The following ZC3H3 variants were observed in gnomAD, a reference collection of about 807,000 sequenced individuals.
The protein encoded by ZC3H3 is zinc finger CCCH-type containing 3, also known as zinc finger CCCH domain-containing protein 3.
ZC3H3 carries 36 observed loss-of-function variants against 77.3 expected under a neutral mutation model. The ratio of observed to expected loss-of-function variants is 0.47; its 90% CI spans 0.36 to 0.61. The LOEUF is 0.61. ZC3H3 is among the 20% of genes least tolerant of loss of function. The pLI is 0.00. For missense variants in ZC3H3, 1,331 were observed against 1,312.2 expected (o/e 1.01, Z -0.22); for synonymous variants, 626 against 555.2 (o/e 1.13, Z -1.79).
intron 9 of ZC3H3, among the ~76,000 whole-genome samples, chr8:143,442,910 C>A (rs773970117): frequency 1.1e-4 from 16 of 152,198 alleles, no homozygotes; most frequent in Non-Finnish European, 1.9e-4. Flanking sequence ...AATGACTCAT[C>A]CATGTCTGTA....
chr8:143,516,256 T>C (rs992560829), intron 3 of ZC3H3, among the ~76,000 whole-genome samples: 1 of 152,146 alleles, frequency 6.6e-6, no homozygotes, highest in African/African-American at 2.4e-5. Flanking sequence ...TCACTCCACT[T>C]TTCTTGTATG....
chr8:143,440,015 G>A (rs117239159), intron 11 of ZC3H3, 26 bp downstream of exon 11: 36,459 of 1,470,204 alleles, frequency 0.025, 616 homozygotes, highest in Non-Finnish European at 0.03. Flanking sequence ...GGGCCCTGGG[G>A]GCCCGAGCCA....
In ZC3H3 at chr8:143,450,151, C is replaced by T. The variant is rs183557335; in HGVS notation, c.2308-9031G>A. Among the ~76,000 whole-genome samples the T allele has an allele frequency of 3.3e-5, 5 of 152,298 alleles. No homozygotes were observed. The East Asian group carries it at 7.7e-4, about 23-fold the overall frequency. ...CCAATTTTCTATATTAGTCCATTAT[C>T]GCATTGCTGTAAATAAATACCTCAG... On this transcript the variant is annotated intron_variant, in intron 9 of 11. Coordinates refer to ENST00000262577, the MANE Select transcript of ZC3H3 (RefSeq NM_015117.3).
At chr8:143,446,578 T>C (rs558056528) in intron 9 of ZC3H3, among the ~76,000 whole-genome samples, 1 of 152,308 alleles carries the variant, frequency 6.6e-6, no homozygotes, top group South Asian at 2.1e-4. Flanking sequence ...CTTAGAAACA[T>C]GGGAAAAGGT....
intron 2 of ZC3H3, 61 bp from the exon 3 acceptor site, chr8:143,536,514 T>G (rs1822804990): frequency 7.0e-7 from 1 of 1,430,584 alleles, no homozygotes; most frequent in East Asian, 2.6e-5. Context: ...CACCCACCCT[T>G]CCTCACCAGG....
At chr8:143,456,460 A>T (rs1820125087) in intron 9 of ZC3H3, among the ~76,000 whole-genome samples, 1 of 152,242 alleles carries the variant, frequency 6.6e-6, no homozygotes, top group Non-Finnish European at 1.5e-5. Flanking sequence ...AAAGAGAAAA[A>T]AAGACATGAA....
chr8:143,448,050 G>A lies in ZC3H3; in HGVS notation c.2308-6930C>T, dbSNP rs115951525. On this transcript the variant is annotated intron_variant, in intron 9 of 11. Transcript: ENST00000262577. ...GACTGAGGCAGAATTGCTTAAACCC[G>A]AGAGGCGGGGGGTTGCGGTGAGCTG... Among the ~76,000 whole-genome samples, 976 of 152,270 alleles carry A rather than the reference G, an allele frequency of 6.4e-3. 8 individuals are homozygous for A. Among genetic ancestry groups the A allele is most frequent in the African/African-American group, 0.022 (895 of 41,548 alleles).
Position 143,438,070 on chromosome 8 carries a change from T to G in ZC3H3, c.2833A>C (p.Lys945Gln). The G allele has an allele frequency of 6.2e-7, 1 of 1,611,384 alleles. No individual in the cohort carries two copies. Among genetic ancestry groups the G allele is most frequent in the Non-Finnish European group, 8.5e-7 (1 of 1,179,010 alleles). ...CCCTGGGGTCCTCACAGACGTGGTTTGATGTGCAGAGGCTTCCCTATGCAA... is the reference window on the plus strand; with the variant it reads ...CCCTGGGGTCCTCACAGACGTGGTTGGATGTGCAGAGGCTTCCCTATGCAA... ...TKDSGKPLHIKPRL is the reference protein window; with the variant it reads ...TKDSGKPLHIQPRL Residue 945 changes from lysine to glutamine, a missense_variant, in exon 12 of 12, where the codon AAA (lysine) becomes CAA (glutamine). This residue lies in a region of ZC3H3 where 249 missense variants were observed against 236.9 expected (regional missense o/e 1.05). Transcript: ENST00000262577.
At chr8:143,440,396 G>T in intron 10 of ZC3H3, 33 bp from the exon 11 acceptor site, 1 of 1,497,246 alleles carries the variant, frequency 6.7e-7, no homozygotes. Flanking sequence ...CGTGTGAGGT[G>T]GGGTGACGGG....
At chr8:143,454,055 G>A (rs1820052609) in intron 9 of ZC3H3, among the ~76,000 whole-genome samples, 1 of 150,232 alleles carries the variant, frequency 6.7e-6, no homozygotes, top group South Asian at 2.1e-4. Flanking sequence ...GAAAATTCCA[G>A]AAATAAACAA....
At chr8:143,458,610 G>A (rs1219248229) in intron 9 of ZC3H3, among the ~76,000 whole-genome samples, 1 of 126,206 alleles carries the variant, frequency 7.9e-6, no homozygotes, top group Non-Finnish European at 1.7e-5. Flanking sequence ...ACAGCTGGGC[G>A]CAGTGGCTCA....
intron 9 of ZC3H3, among the ~76,000 whole-genome samples, chr8:143,464,188 G>A (rs1045279752): frequency 1.3e-5 from 2 of 152,226 alleles, no homozygotes; most frequent in African/African-American, 4.8e-5. Flanking sequence ...TCCATCATGC[G>A]GGCGCCGCGG....
intron 4 of ZC3H3, among the ~76,000 whole-genome samples, chr8:143,491,615 A>G (rs929469459): frequency 1.3e-5 from 2 of 152,238 alleles, no homozygotes; most frequent in African/African-American, 2.4e-5. Context: ...GCCTGGAGCC[A>G]TGCATTGGTC....
intron 4 of ZC3H3, among the ~76,000 whole-genome samples, chr8:143,490,734 G>GTGAA: frequency 6.6e-6 from 1 of 152,302 alleles, no homozygotes; most frequent in Non-Finnish European, 1.5e-5. Context: ...GGCCAACATG[G>GTGAA]TGAAACCCTG....
intron 4 of ZC3H3, among the ~76,000 whole-genome samples, chr8:143,492,077 T>G (rs374641415): frequency 3.2e-4 from 49 of 152,198 alleles, no homozygotes; most frequent in African/African-American, 1.2e-3. Context: ...GCCGGACACA[T>G]GCGTGCCGAG....
At chr8:143,472,856 T>C (rs1820612896) in intron 5 of ZC3H3, among the ~76,000 whole-genome samples, 1 of 152,158 alleles carries the variant, frequency 6.6e-6, no homozygotes, top group South Asian at 2.1e-4. Flanking sequence ...GGGGCCAGCC[T>C]TGGCCCTGTG....
At chr8:143,473,189 G>A (rs541840650) in intron 5 of ZC3H3, among the ~76,000 whole-genome samples, 2 of 152,180 alleles carry the variant, frequency 1.3e-5, no homozygotes, top group South Asian at 2.1e-4. Context: ...GGTAGACCCC[G>A]CCTGCCCCCA....
intron 9 of ZC3H3, among the ~76,000 whole-genome samples, chr8:143,458,456 T>C (rs75054042): frequency 1.1e-4 from 14 of 124,912 alleles, no homozygotes; most frequent in South Asian, 8.0e-4. Flanking sequence ...CTGGGCGCAG[T>C]GGCTCACGCC....
At chr8:143,504,832 C>T (rs1821638182) in intron 4 of ZC3H3, among the ~76,000 whole-genome samples, 1 of 152,222 alleles carries the variant, frequency 6.6e-6, no homozygotes, top group African/African-American at 2.4e-5. Context: ...GCTCCCTCTC[C>T]TCCCAGAGCA....
Sources: allele counts gnomAD v4.1 joint callset (sites outside exome capture counted in the v4.1 genomes callset), GRCh38; gene constraint gnomAD v4.1.1; regional missense constraint gnomAD v4.1.1; transcripts MANE v1.5; gene names NCBI Gene and HGNC (gene_info 2026-07-23, HGNC 2026-07-21).